SLC7A13: variants seen among roughly 807,000 people sequenced by gnomAD.
SLC7A13 encodes solute carrier family 7 member 13.
In SLC7A13, 31 loss-of-function variants were observed where a neutral mutation model predicts 32.0. The ratio of observed to expected loss-of-function variants is 0.97; its 90% CI spans 0.73 to 1.31. The LOEUF (loss-of-function observed/expected upper bound fraction) is 1.31, where lower values mean the gene tolerates loss of function less well. Ranked by LOEUF, SLC7A13 falls within the 50% of genes most tolerant of loss-of-function variation. The pLI is 0.00. For missense variants in SLC7A13, 633 were observed against 546.9 expected, an observed-to-expected ratio of 1.16 and a Z score of -1.57; for synonymous variants, 232 against 206.9, an observed-to-expected ratio of 1.12 and a Z score of -1.04.
chr8:86,217,263 C>T (rs1020433217), intron 3 of SLC7A13, among the ~76,000 whole-genome samples: 2 of 151,864 alleles, frequency 1.3e-5, no homozygotes, highest in Non-Finnish European at 2.9e-5. Flanking sequence ...TCTAATAAAC[C>T]GTTAAATGGA....
In SLC7A13 at chr8:86,230,352, G is replaced by A. The variant is rs933824285; in HGVS notation, c.-75C>T. On this transcript the variant is annotated 5_prime_UTR_variant, in exon 1 of 4. Coordinates refer to ENST00000297524, the MANE Select transcript of SLC7A13 (RefSeq NM_138817.3). ...TCCTGCCTATGTAGCTGCAAAGGAT[G>A]TTGATGGATTCCTGAAATAAAATAA... 1.6e-6 allele frequency: 2 copies of A among 1,272,174 alleles called. No homozygotes were observed. Among genetic ancestry groups the A allele is most frequent in the Non-Finnish European group, 2.1e-6 (2 of 936,212 alleles). 78.8% of individuals were successfully genotyped at this position (1,272,174 alleles called of 1,614,324 possible).
chr8:86,229,994 A>G lies in SLC7A13; in HGVS notation c.284T>C (p.Leu95Ser). The change falls in exon 1 of 4, where the codon TTG becomes TCG. Residue 95 changes from leucine to serine, a missense_variant. Transcript: ENST00000297524. ...CAGAAACAAGGATGTCCAGAGATTC[A>G]AAAAAGCAACCGTGGAGCCAAAGTA... The part of the protein sequence containing the change: ...KRYFGSTVAF[L>S]NLWTSLFLGS... 6.2e-7 allele frequency: 1 copy of G among 1,614,198 alleles called. No homozygotes were observed.
intron 3 of SLC7A13, 95 bp downstream of exon 3, chr8:86,217,375 A>G (rs1434460411): frequency 1.8e-6 from 2 of 1,129,914 alleles, no homozygotes; most frequent in Admixed American, 7.0e-5. Context: ...AGTATTCAGA[A>G]GATCTACTTA....
intron 2 of SLC7A13, 101 bp downstream of exon 2, chr8:86,222,871 A>G: frequency 8.5e-7 from 1 of 1,174,552 alleles, no homozygotes; most frequent in Non-Finnish European, 1.1e-6. Context: ...GATTCCATAT[A>G]TAGAATAATG....
intron 2 of SLC7A13, among the ~76,000 whole-genome samples, chr8:86,219,129 T>C (rs548726388): frequency 6.6e-6 from 1 of 152,310 alleles, no homozygotes; most frequent in East Asian, 1.9e-4. Context: ...CTTAAAAATA[T>C]CTTGTCTCAT....
intron 2 of SLC7A13, among the ~76,000 whole-genome samples, chr8:86,221,009 A>AC (rs1278612021): frequency 6.6e-6 from 1 of 151,124 alleles, no homozygotes; most frequent in Non-Finnish European, 1.5e-5. Flanking sequence ...AAAAAAAAAA[A>AC]CTATTTCTTT....
intron 3 of SLC7A13, among the ~76,000 whole-genome samples, chr8:86,215,212 A>G (rs1415322025): frequency 6.6e-6 from 1 of 152,168 alleles, no homozygotes; most frequent in East Asian, 1.9e-4. Flanking sequence ...AGTCCCTGGT[A>G]CCTGCTTTGT....
Position 86,214,395 on chromosome 8 carries a change from A to G in SLC7A13, c.*18T>C, listed in dbSNP as rs1253062770. On this transcript the variant is annotated 3_prime_UTR_variant, in exon 4 of 4. Transcript: ENST00000297524. ...TTTTTTAGAAGGCCAATTTTTTAAG[A>G]GTTTGCACTTCCGACATCTATTCCT... The G allele has an allele frequency of 1.3e-6, 2 of 1,510,424 alleles. No individual in the cohort carries two copies. Among genetic ancestry groups the G allele is most frequent in the African/African-American group, 2.8e-5 (2 of 71,650 alleles). 93.6% of individuals were successfully genotyped at this position (1,510,424 alleles called of 1,614,324 possible).
intron 1 of SLC7A13, among the ~76,000 whole-genome samples, chr8:86,226,120 T>C (rs1189225132): frequency 6.6e-6 from 1 of 152,176 alleles, no homozygotes; most frequent in African/African-American, 2.4e-5. Context: ...TAATAGTTTA[T>C]AGGTCAGTAA....
chr8:86,220,744 C>T (rs1025479178), intron 2 of SLC7A13, among the ~76,000 whole-genome samples: 4 of 152,066 alleles, frequency 2.6e-5, no homozygotes, highest in Admixed American at 2.0e-4. Context: ...TGGCTCACGT[C>T]TGTAACCCCA....
chr8:86,228,827 C>A (rs1356374756), intron 1 of SLC7A13, among the ~76,000 whole-genome samples: 1 of 150,142 alleles, frequency 6.7e-6, no homozygotes, highest in Non-Finnish European at 1.5e-5. Context: ...GCCTGGGCAA[C>A]AAGAGGAAAA....
At position 86,223,087 on chromosome 8, in the gene SLC7A13, G is replaced by A. The variant is rs540388787; in HGVS notation, c.702C>T (p.Pro234=). The change falls in exon 2 of 4, where the codon CCC becomes CCT. Residue 234 remains proline, a synonymous_variant. Transcript: ENST00000297524. ...FTLIAGELKK[P]RTTIPKCIFT... ...ATATGCATTTGGGAATTGTTGTTCT[G>A]GGCTTCTTCAGCTCCCCTATAACAC... 1.4e-5 allele frequency: 23 copies of A among 1,599,526 alleles called. No homozygotes were observed. The highest frequency in any genetic ancestry group is 2.0e-5 in the Non-Finnish European group (23 of 1,173,300).
Position 86,229,819 on chromosome 8 carries a change from C to T in SLC7A13, c.459G>A (p.Val153=). 1 of 1,614,184 alleles carries T rather than the reference C, an allele frequency of 6.2e-7. No homozygotes were observed. Among genetic ancestry groups the T allele is most frequent in the South Asian group, 1.1e-5 (1 of 91,086 alleles). ...CTATCTGAAGCCAAGTCACTTCTTT[C>T]ACACCACGAGAAGTCAGAATTCCTA... ...WIVGILTSRG[V]KEVTWLQIAS... The change falls in exon 1 of 4, where the codon GTG becomes GTA. Residue 153 remains valine (V), a synonymous_variant. Transcript: ENST00000297524.
chr8:86,221,800 A>G (rs1042724627), intron 2 of SLC7A13, among the ~76,000 whole-genome samples: 2 of 152,160 alleles, frequency 1.3e-5, no homozygotes, highest in Non-Finnish European at 2.9e-5. Context: ...ACCGAAGGAG[A>G]TATTCATGAT....
At chr8:86,221,729 G>A (rs921954870) in intron 2 of SLC7A13, among the ~76,000 whole-genome samples, 1 of 151,560 alleles carries the variant, frequency 6.6e-6, no homozygotes, top group Admixed American at 6.6e-5. Flanking sequence ...AACACTTCAC[G>A]AGTCTTCCAC....
intron 1 of SLC7A13, among the ~76,000 whole-genome samples, chr8:86,226,447 C>G (rs1005685368): frequency 2.6e-5 from 4 of 152,174 alleles, no homozygotes; most frequent in Non-Finnish European, 5.9e-5. Context: ...GCGCTCCAAC[C>G]AGTCCTCATG....
At chr8:86,222,006 A>G (rs975203265) in intron 2 of SLC7A13, among the ~76,000 whole-genome samples, 9 of 152,110 alleles carry the variant, frequency 5.9e-5, no homozygotes, top group Non-Finnish European at 1.0e-4. Context: ...GTTTTTTCCC[A>G]CAGACACTCA....
intron 1 of SLC7A13, among the ~76,000 whole-genome samples, chr8:86,224,916 C>T (rs771264528): frequency 2.0e-5 from 3 of 151,672 alleles, no homozygotes; most frequent in African/African-American, 4.9e-5. Flanking sequence ...TTTATAGAGA[C>T]GGGGGTCTCG....
chr8:86,223,664 G>T (rs924858022), intron 1 of SLC7A13, among the ~76,000 whole-genome samples: 4 of 151,854 alleles, frequency 2.6e-5, no homozygotes, highest in Admixed American at 6.6e-5. Context: ...AATTCTTTGA[G>T]AAATCTCCAT....
Sources: allele counts gnomAD v4.1 joint callset (sites outside exome capture counted in the v4.1 genomes callset), GRCh38; gene constraint gnomAD v4.1.1; transcripts MANE v1.5; gene names NCBI Gene and HGNC (gene_info 2026-07-23, HGNC 2026-07-21).